The following PCNX2 variants were observed in gnomAD, a reference collection of about 807,000 sequenced individuals.
The protein encoded by PCNX2 is pecanex 2.
PCNX2 carries 168 observed loss-of-function variants against 223.8 expected under a neutral mutation model. That is an observed-to-expected ratio of 0.75 (90% CI 0.66 to 0.85). The LOEUF (loss-of-function observed/expected upper bound fraction) is 0.85, where lower values mean the gene tolerates loss of function less well. Ranked by LOEUF, PCNX2 falls within the 40% of genes least tolerant of loss-of-function variation. PCNX2 has a pLI of 0.00. For missense variants in PCNX2, 2,507 were observed against 2,675.5 expected (o/e 0.94, Z 1.39); for synonymous variants, 1,006 against 1,052.6 (o/e 0.96, Z 0.86).
chr1:233,291,825 C>T (rs1661783209), intron 1 of PCNX2: 1 of 981,238 alleles, frequency 1.0e-6, no homozygotes, highest in African/African-American at 1.8e-5. Context: ...AACCATCTTT[C>T]AGTTTGTCCA....
intron 8 of PCNX2, chr1:233,241,131 C>A (rs1431116952): frequency 1.0e-6 from 1 of 965,638 alleles, no homozygotes; most frequent in Non-Finnish European, 1.2e-6. Context: ...AAAACCATAA[C>A]CTGTTATTTT....
At chr1:233,172,587 T>G (rs75956032) in intron 17 of PCNX2, 1 of 973,048 alleles carries the variant, frequency 1.0e-6, no homozygotes, top group African/African-American at 1.8e-5. Flanking sequence ...TGGTCTGGCA[T>G]TGGACACCCA....
At chr1:233,051,775 T>A (rs1027397577) in intron 25 of PCNX2, among the ~76,000 whole-genome samples, 2 of 152,148 alleles carry the variant, frequency 1.3e-5, no homozygotes, top group African/African-American at 4.8e-5. Context: ...GGACCAATCA[T>A]ACCTCATATC....
rs769054415 is a variant in PCNX2, at chr1:233,014,730, C to T, written c.4887G>A (p.Leu1629=). 10 of 1,613,992 alleles carry T rather than the reference C, an allele frequency of 6.2e-6. No individual in the cohort carries two copies. The highest frequency in any genetic ancestry group is 8.5e-6 in the Non-Finnish European group (10 of 1,179,900). Residue 1629 remains leucine (L), a synonymous_variant, in exon 28 of 34, where the codon CTG becomes CTA. Coordinates refer to ENST00000258229, the MANE Select transcript of PCNX2 (RefSeq NM_014801.4). ...TCCCCAGGGTGCACAGGGCGAAGGA[C>T]AGAGTCACCAAGGGAGAGTCCTCGT... The part of the protein sequence containing the change: ...DSDEDSPLVT[L]SFALCTLGRR...
intron 2 of PCNX2, 145 bp downstream of exon 2, chr1:233,262,813 G>T: frequency 1.4e-6 from 1 of 738,698 alleles, no homozygotes; most frequent in East Asian, 2.7e-5. Flanking sequence ...TCAATTTTAT[G>T]CTTAAGTATA....
At chr1:233,289,487 A>G in intron 1 of PCNX2, 1 of 857,174 alleles carries the variant, frequency 1.2e-6, no homozygotes, top group Non-Finnish European at 1.9e-6. Flanking sequence ...CCGGCTTAGG[A>G]AGAGCAGAAG....
intron 1 of PCNX2, among the ~76,000 whole-genome samples, chr1:233,294,896 G>T (rs929165624): frequency 1.3e-5 from 2 of 152,054 alleles, no homozygotes; most frequent in South Asian, 2.1e-4. Flanking sequence ...GGTGAGGGGG[G>T]AAAAAGGGGA....
At position 233,272,805 on chromosome 1, in the gene PCNX2, C is replaced by T. The variant is rs149196237; in HGVS notation, c.154-9642G>A. ...TGGTGTATATATTTACCATGGAATA[C>T]TATTCAGCCATAAAAAGGAATGAAA... On this transcript the variant is annotated intron_variant, in intron 1 of 33. Coordinates refer to ENST00000258229, the MANE Select transcript of PCNX2 (RefSeq NM_014801.4). Among the ~76,000 whole-genome samples, 252 of 152,268 alleles carry T rather than the reference C, an allele frequency of 1.7e-3. 3 individuals are homozygous for T. The South Asian group carries it at 0.025, about 15-fold the overall frequency.
chr1:233,208,254 C>T (rs1681601018), intron 13 of PCNX2, among the ~76,000 whole-genome samples: 1 of 152,186 alleles, frequency 6.6e-6, no homozygotes, highest in Admixed American at 6.5e-5. Context: ...CCACCGTGCC[C>T]AGCCCGGATG....
At chr1:233,073,135 G>C (rs1168901259) in intron 23 of PCNX2, among the ~76,000 whole-genome samples, 1 of 151,972 alleles carries the variant, frequency 6.6e-6, no homozygotes, top group Non-Finnish European at 1.5e-5. Flanking sequence ...TATGTCTTTA[G>C]GAATTTCTCC....
rs369886650 is a variant in PCNX2, at chr1:233,235,957, A to AAAAATATATATATATAT, written c.2358+887_2358+888insATATATATATATATTTT. On this transcript the variant is annotated intron_variant, in intron 9 of 33. Transcript: ENST00000258229. The stretch of plus-strand genomic sequence containing the variant: ...ATGTGGCAAAGCAATCATAAAAAAA[A>AAAAATATATATATATAT]ATATATATATATATATATATATATA... Among the ~76,000 whole-genome samples the AAAAATATATATATATAT allele has an allele frequency of 1.5e-3, 135 of 93,066 alleles. 1 individual carries two copies. Among genetic ancestry groups the AAAAATATATATATATAT allele is most frequent in the Non-Finnish European group, 2.4e-3 (112 of 45,936 alleles). 61.1% of individuals were successfully genotyped at this position (93,066 alleles called of 152,430 possible). A position where few individuals can be genotyped will look rare whatever the true frequency, so the allele number is the denominator to read the frequency against.
chr1:233,295,314 CT>C lies in PCNX2; in HGVS notation c.153+11del. The C allele has an allele frequency of 6.4e-7, 1 of 1,574,100 alleles. No homozygotes were observed. Among genetic ancestry groups the C allele is most frequent in the Non-Finnish European group, 8.6e-7 (1 of 1,159,654 alleles). On this transcript the variant is annotated intron_variant, in intron 1 of 33. Coordinates refer to ENST00000258229, the MANE Select transcript of PCNX2 (RefSeq NM_014801.4). The surrounding 1 kb of genome is among the most constrained non-coding windows in gnomAD (Gnocchi z 4.1). ...ACCCACAGCTCCCCGGGACCGGACCCTCCCCACTCACCAGGTGCAGGGCCAG... is the reference window on the plus strand; with the variant it reads ...ACCCACAGCTCCCCGGGACCGGACCCCCCCACTCACCAGGTGCAGGGCCAG...
At chr1:233,128,991 C>T (rs1853846) in intron 21 of PCNX2, among the ~76,000 whole-genome samples, 19,847 of 152,196 alleles carry the variant, frequency 0.13, 1,388 homozygotes, top group East Asian at 0.2. Flanking sequence ...TCACTCTTGG[C>T]GCCTCCTCGG....
intron 10 of PCNX2, among the ~76,000 whole-genome samples, chr1:233,222,098 G>T (rs1266408433): frequency 6.6e-6 from 1 of 152,202 alleles, no homozygotes; most frequent in Non-Finnish European, 1.5e-5. Context: ...GAGAAAAGGT[G>T]AGGGAGTTGG....
intron 19 of PCNX2, among the ~76,000 whole-genome samples, chr1:233,154,239 G>C (rs994785338): frequency 1.3e-5 from 2 of 151,894 alleles, no homozygotes; most frequent in African/African-American, 4.8e-5. Context: ...ACACCAAGTC[G>C]AACTAATTTT....
chr1:233,231,502 A>G (rs1283008342), intron 9 of PCNX2: 1 of 383,240 alleles, frequency 2.6e-6, no homozygotes, highest in African/African-American at 2.2e-5. Flanking sequence ...GCTCTATAGA[A>G]CCTCCCCAAA....
chr1:233,120,164 C>CAAAAAAAAAAAAAAAAAAAAAAAAAAAAA (rs1228898502), intron 21 of PCNX2, among the ~76,000 whole-genome samples: 31 of 42,504 alleles, frequency 7.3e-4, no homozygotes, highest in East Asian at 1.5e-3. Context: ...GACTCCATTT[C>CAAAAAAAAAAAAAAAAAAAAAAAAAAAAA]AAAAAAAAAA....
At chr1:233,124,953 T>A (rs1676014643) in intron 21 of PCNX2, among the ~76,000 whole-genome samples, 1 of 152,224 alleles carries the variant, frequency 6.6e-6, no homozygotes. Context: ...AATACCCACA[T>A]TTAAATACAC....
At chr1:233,156,803 A>C (rs942527211) in intron 19 of PCNX2, among the ~76,000 whole-genome samples, 1 of 152,188 alleles carries the variant, frequency 6.6e-6, no homozygotes, top group African/African-American at 2.4e-5. Flanking sequence ...CTGTAATCCC[A>C]GCTACTCAGG....
Sources: gnomAD v4.1 joint callset for allele counts (sites outside exome capture counted in the v4.1 genomes callset) on GRCh38, gnomAD v4.1.1 for gene constraint, Gnocchi (gnomAD v3.1) non-coding constraint, MANE v1.5 for transcripts, NCBI Gene and HGNC (gene_info 2026-07-23, HGNC 2026-07-21) for gene names.